Variants in FKTN observed in about 807,000 individuals in gnomAD.
FKTN encodes ribitol-5-phosphate transferase FKTN.
In FKTN, 47 loss-of-function variants were observed where a neutral mutation model predicts 58.6. That is an observed-to-expected ratio of 0.80 (90% CI 0.63 to 1.02). The LOEUF (loss-of-function observed/expected upper bound fraction) is 1.02, where lower values mean the gene tolerates loss of function less well. FKTN is among the 50% of genes least tolerant of loss of function. The pLI, the probability that FKTN is intolerant of heterozygous loss-of-function variation, is 0.00. For missense variants in FKTN, 516 were observed against 537.3 expected (o/e 0.96, Z 0.39); for synonymous variants, 178 against 191.9 (o/e 0.93, Z 0.60).
In FKTN at chr9:105,636,854, A is replaced by G. The variant is rs991768454; in HGVS notation, c.*1590A>G. On this transcript the variant is annotated 3_prime_UTR_variant, in exon 11 of 11. Transcript: ENST00000357998. Reference sequence around the variant, plus strand: ...TAGAGAAAGTAACTTACAACCACCCATTCCGGATTTGTAAAGCAACATGAA... The same window carrying G: ...TAGAGAAAGTAACTTACAACCACCCGTTCCGGATTTGTAAAGCAACATGAA... The G allele has an allele frequency of 3.0e-5, 35 of 1,158,530 alleles. No homozygotes were observed. The African/African-American group carries it at 4.7e-4, about 15-fold the overall frequency. The allele number at this position is 1,158,530 out of a possible 1,614,324, so 71.8% of individuals were successfully genotyped here. A position where few individuals can be genotyped will look rare whatever the true frequency, so the allele number is the denominator to read the frequency against.
intron 4 of FKTN, 29 bp downstream of exon 4, chr9:105,596,686 AT>A: frequency 6.9e-7 from 1 of 1,442,126 alleles, no homozygotes; most frequent in Non-Finnish European, 9.8e-7. Context: ...AAATTTCTCA[AT>A]TATAATGTTC....
intron 3 of FKTN, among the ~76,000 whole-genome samples, chr9:105,588,047 T>A (rs17309319): frequency 0.27 from 41,192 of 152,102 alleles, 5,825 homozygotes; most frequent in Non-Finnish European, 0.31. Context: ...CTGAAAGTAC[T>A]ACTGTTTGAT....
chr9:105,623,596 C>T (rs1178104559), intron 10 of FKTN, among the ~76,000 whole-genome samples: 1 of 152,184 alleles, frequency 6.6e-6, no homozygotes, highest in Non-Finnish European at 1.5e-5. Context: ...GATAGATCTT[C>T]AGAAAATTCA....
At chr9:105,564,422 A>G (rs1237560052) in intron 1 of FKTN, among the ~76,000 whole-genome samples, 2 of 152,222 alleles carry the variant, frequency 1.3e-5, no homozygotes, top group Admixed American at 1.3e-4. Context: ...CGAATGGCTA[A>G]CTAGAATAAC....
chr9:105,593,468 G>A (rs1845272889), intron 3 of FKTN, among the ~76,000 whole-genome samples: 1 of 152,198 alleles, frequency 6.6e-6, no homozygotes. Flanking sequence ...ACATTCAAAT[G>A]AAGAAGGTGA....
chr9:105,586,090 A>T (rs1053400054), intron 3 of FKTN, among the ~76,000 whole-genome samples: 1 of 152,130 alleles, frequency 6.6e-6, no homozygotes. Flanking sequence ...GTTTAAGGAG[A>T]CTTACTTTTG....
intron 3 of FKTN, among the ~76,000 whole-genome samples, chr9:105,591,177 T>C (rs1477472085): frequency 6.6e-6 from 1 of 152,182 alleles, no homozygotes; most frequent in African/African-American, 2.4e-5. Context: ...CATATTATTC[T>C]GCCCCTGGCC....
At chr9:105,566,436 A>C (rs1310977777) in intron 1 of FKTN, among the ~76,000 whole-genome samples, 1 of 152,188 alleles carries the variant, frequency 6.6e-6, no homozygotes, top group East Asian at 1.9e-4. Context: ...GAGAAGAATG[A>C]AATAGACGCA....
intron 1 of FKTN, among the ~76,000 whole-genome samples, chr9:105,565,786 G>T (rs1359572405): frequency 1.3e-5 from 2 of 152,156 alleles, no homozygotes; most frequent in East Asian, 3.8e-4. Context: ...ACTCAACTCT[G>T]CAGCAAGTGG....
At chr9:105,614,745 T>C (rs1830501458) in intron 7 of FKTN, among the ~76,000 whole-genome samples, 1 of 152,186 alleles carries the variant, frequency 6.6e-6, no homozygotes. Flanking sequence ...GTTCTATTCT[T>C]TCCCTTTTAA....
intron 7 of FKTN, among the ~76,000 whole-genome samples, chr9:105,614,599 A>G (rs1171145681): frequency 6.6e-6 from 1 of 152,184 alleles, no homozygotes; most frequent in Admixed American, 6.5e-5. Context: ...TGGTGAAAAC[A>G]TTATTAAATT....
chr9:105,635,863 A>AAC lies in FKTN; in HGVS notation c.*599_*600insAC. The AAC allele has an allele frequency of 1.0e-6, 1 of 993,176 alleles. No individual in the cohort carries two copies. Among genetic ancestry groups the AAC allele is most frequent in the Non-Finnish European group, 1.2e-6 (1 of 833,806 alleles). 61.5% of individuals were successfully genotyped at this position (993,176 alleles called of 1,614,324 possible). ...GCATTATTCTTTTAGGGAAGGTGAG[A>AAC]GCTTATTTGTATCAGAGCTTATTAC... is the stretch of plus-strand genomic sequence containing the variant. On this transcript the variant is annotated 3_prime_UTR_variant, in exon 11 of 11. Transcript: ENST00000357998.
intron 5 of FKTN, 63 bp downstream of exon 5, chr9:105,601,411 C>A: frequency 3.4e-6 from 4 of 1,190,374 alleles, no homozygotes; most frequent in Admixed American, 1.8e-5. Context: ...TAGGTTTAGG[C>A]TAGTTTAAAA....
intron 3 of FKTN, among the ~76,000 whole-genome samples, chr9:105,576,687 A>G (rs1220378828): frequency 9.9e-6 from 1 of 100,650 alleles, no homozygotes; most frequent in Non-Finnish European, 1.9e-5. Context: ...ATACCCAGTA[A>G]TGGGATGGCT....
intron 6 of FKTN, among the ~76,000 whole-genome samples, chr9:105,605,257 A>G (rs955398759): frequency 6.6e-6 from 1 of 152,120 alleles, no homozygotes; most frequent in South Asian, 2.1e-4. Context: ...AACTTTTTGA[A>G]CAGAAATAAT....
In FKTN at chr9:105,575,045, A is replaced by G. The variant is rs765929865; in HGVS notation, c.13A>G (p.Asn5Asp). 3.8e-6 allele frequency: 6 copies of G among 1,595,740 alleles called. No individual in the cohort carries two copies. The highest frequency in any genetic ancestry group is 5.2e-6 in the Non-Finnish European group (6 of 1,163,428). The change falls in exon 3 of 11, where the codon AAT becomes GAT. Residue 5 changes from asparagine (N) to aspartate (D), a missense_variant. Physicochemically the swap from Asn to Asp is conservative, Grantham distance 23. Coordinates refer to ENST00000357998, the MANE Select transcript of FKTN (RefSeq NM_001079802.2). ...GCAGCACAGACTAATGAGTAGAATC[A>G]ATAAGAACGTGGTTTTGGCCCTTTT... MSRI[N>D]KNVVLALLTL... is the part of the protein sequence containing the mutation.
intron 3 of FKTN, among the ~76,000 whole-genome samples, chr9:105,577,928 G>C (rs1349886717): frequency 6.6e-6 from 1 of 151,400 alleles, no homozygotes; most frequent in Non-Finnish European, 1.5e-5. Context: ...TCTCTTTGAA[G>C]CAATTATGAA....
chr9:105,618,228 G>A (rs541969874), intron 9 of FKTN, 136 bp downstream of exon 9: 66 of 794,104 alleles, frequency 8.3e-5, no homozygotes, highest in South Asian at 4.4e-4. Context: ...GAGTTCAGCA[G>A]AAGCCTGTTA....
In FKTN at chr9:105,636,547, A is replaced by C. The variant is rs920861800; in HGVS notation, c.*1283A>C. The C allele has an allele frequency of 1.2e-5, 13 of 1,048,542 alleles. No individual in the cohort carries two copies. Among genetic ancestry groups the C allele is most frequent in the South Asian group, 3.0e-5 (1 of 32,944 alleles). 65.0% of individuals were successfully genotyped at this position (1,048,542 alleles called of 1,614,324 possible). A position where few individuals can be genotyped will look rare whatever the true frequency, so the allele number is the denominator to read the frequency against. On this transcript the variant is annotated 3_prime_UTR_variant, in exon 11 of 11. Transcript: ENST00000357998. ...GCTTTAGTTTCCTTTTCCCCTCAAG[A>C]TGTCTGAGTCAGCTAGGATGCTGTT...
Sources: allele counts gnomAD v4.1 joint callset (sites outside exome capture counted in the v4.1 genomes callset), GRCh38; gene constraint gnomAD v4.1.1; transcripts MANE v1.5; gene names NCBI Gene and HGNC (gene_info 2026-07-23, HGNC 2026-07-21).